CPB2: variants seen among roughly 807,000 people sequenced by gnomAD.
The protein encoded by CPB2 is carboxypeptidase B2.
A neutral mutation model predicts 57.0 loss-of-function variants in CPB2; 54 were observed. The ratio of observed to expected loss-of-function variants is 0.95; its 90% CI spans 0.76 to 1.19. CPB2 has a LOEUF of 1.19. Among genes scored for constraint, CPB2 ranks in the 50% most tolerant of loss-of-function variants. The pLI is 0.00. For synonymous variants in CPB2, 189 were observed against 178.1 expected, an observed-to-expected ratio of 1.06 and a Z score of -0.49; for missense variants, 426 against 512.0, an observed-to-expected ratio of 0.83 and a Z score of 1.62.
At chr13:46,093,119 G>A (rs2045317248) in intron 1 of CPB2, among the ~76,000 whole-genome samples, 3 of 152,074 alleles carry the variant, frequency 2.0e-5, no homozygotes, top group Middle Eastern at 6.8e-3. Context: ...CACCATGTTG[G>A]TCAGGCTGGT....
intron 5 of CPB2, 113 bp downstream of exon 5, chr13:46,078,687 A>G (rs2045060245): frequency 1.4e-6 from 1 of 729,004 alleles, no homozygotes; most frequent in Non-Finnish European, 2.4e-6. Context: ...GAACACTTGT[A>G]ATGCAAATAT....
At chr13:46,078,747 G>T in intron 5 of CPB2, 53 bp downstream of exon 5, 2 of 1,161,648 alleles carry the variant, frequency 1.7e-6, no homozygotes, top group African/African-American at 1.5e-5. Flanking sequence ...CACGACTGGA[G>T]AATTAATCCC....
intron 6 of CPB2, among the ~76,000 whole-genome samples, chr13:46,068,288 T>A (rs2044885514): frequency 6.6e-6 from 1 of 152,216 alleles, no homozygotes; most frequent in South Asian, 2.1e-4. Context: ...TCTTTTTCAT[T>A]ATTGACAAAA....
At chr13:46,062,208 C>G (rs1038480934) in intron 8 of CPB2, among the ~76,000 whole-genome samples, 1 of 151,762 alleles carries the variant, frequency 6.6e-6, no homozygotes, top group African/African-American at 2.4e-5. Flanking sequence ...CTGACTTCAC[C>G]AAGAAAAATA....
chr13:46,058,455 G>A (rs550023382), intron 8 of CPB2, 74 bp from the exon 9 acceptor site: 109 of 1,271,066 alleles, frequency 8.6e-5, no homozygotes, highest in Middle Eastern at 2.0e-4. Context: ...CCCAGACAAC[G>A]TATTCTCCTA....
chr13:46,076,866 G>A (rs576657857), intron 5 of CPB2, among the ~76,000 whole-genome samples: 9 of 152,060 alleles, frequency 5.9e-5, no homozygotes, highest in African/African-American at 2.2e-4. Context: ...AATGGTATTG[G>A]GAAAAATTTT....
At chr13:46,090,164 T>G (rs1452490231) in intron 1 of CPB2, among the ~76,000 whole-genome samples, 1 of 152,124 alleles carries the variant, frequency 6.6e-6, no homozygotes, top group East Asian at 1.9e-4. Context: ...AATTCTTTTT[T>G]TTTTACAAGC....
At chr13:46,097,760 A>G (rs1256186561) in intron 1 of CPB2, among the ~76,000 whole-genome samples, 3 of 152,224 alleles carry the variant, frequency 2.0e-5, no homozygotes, top group Non-Finnish European at 4.4e-5. Context: ...CCTACTAGGT[A>G]GTATACATGG....
Position 46,053,702 on chromosome 13 carries a change from A to T in CPB2, c.1184T>A (p.Leu395Ter). ...GGGTTTGATGTAACGCTCCGGCAGC[A>T]AGAATCCGTATGTGCCCGTATCTCG... ...ELRDTGTYGF[L>*]LPERYIKPTC... Residue 395 changes from leucine to a stop codon, truncating the protein, a stop_gained, in exon 11 of 11, where the codon TTG becomes TAG. Coordinates refer to ENST00000181383, the MANE Select transcript of CPB2 (RefSeq NM_001872.5). LOFTEE classifies it high-confidence loss of function. The T allele has an allele frequency of 6.2e-7, 1 of 1,614,192 alleles. No individual in the cohort carries two copies. The highest frequency in any genetic ancestry group is 8.5e-7 in the Non-Finnish European group (1 of 1,180,024).
intron 8 of CPB2, among the ~76,000 whole-genome samples, chr13:46,064,003 T>C (rs1367488296): frequency 1.3e-5 from 2 of 152,038 alleles, no homozygotes; most frequent in Non-Finnish European, 1.5e-5. Context: ...GGCCCACTCC[T>C]GTGAGCCACT....
At chr13:46,072,577 T>C (rs1318394360) in intron 6 of CPB2, among the ~76,000 whole-genome samples, 1 of 152,150 alleles carries the variant, frequency 6.6e-6, no homozygotes, top group Non-Finnish European at 1.5e-5. Flanking sequence ...ATAGGCAATC[T>C]ATAAATATTT....
chr13:46,095,317 A>C (rs1292085124), intron 1 of CPB2, among the ~76,000 whole-genome samples: 1 of 67,016 alleles, frequency 1.5e-5, no homozygotes, highest in Non-Finnish European at 3.3e-5. Context: ...CAAGATATCA[A>C]AATTAAAAAA....
intron 7 of CPB2, among the ~76,000 whole-genome samples, chr13:46,065,255 G>C (rs1219509018): frequency 6.6e-6 from 1 of 152,176 alleles, no homozygotes; most frequent in East Asian, 1.9e-4. Context: ...CGATTGTGCT[G>C]ATTTGACTCT....
At chr13:46,069,729 T>C (rs941876215) in intron 6 of CPB2, among the ~76,000 whole-genome samples, 1 of 152,232 alleles carries the variant, frequency 6.6e-6, no homozygotes, top group Non-Finnish European at 1.5e-5. Context: ...CTGCATTTTG[T>C]TTTTCTGCTC....
At chr13:46,062,126 G>C (rs775295775) in intron 8 of CPB2, among the ~76,000 whole-genome samples, 1 of 151,314 alleles carries the variant, frequency 6.6e-6, no homozygotes, top group Admixed American at 6.6e-5. Flanking sequence ...ATGCCCAAGA[G>C]GGGACTGAGA....
chr13:46,058,412 A>T, intron 8 of CPB2, 31 bp from the exon 9 acceptor site: 1 of 1,588,000 alleles, frequency 6.3e-7, no homozygotes, highest in Non-Finnish European at 8.6e-7. Flanking sequence ...TGAAATTATG[A>T]GGGGATGCAC....
At chr13:46,077,315 A>G (rs1455286403) in intron 5 of CPB2, among the ~76,000 whole-genome samples, 1 of 152,196 alleles carries the variant, frequency 6.6e-6, no homozygotes, top group Non-Finnish European at 1.5e-5. Context: ...CAACAGGTAT[A>G]TGAAAAAATC....
chr13:46,074,052 G>T, intron 5 of CPB2, 75 bp from the exon 6 acceptor site: 1 of 747,214 alleles, frequency 1.3e-6, no homozygotes, highest in Non-Finnish European at 2.2e-6. Context: ...TTTATATAGT[G>T]CTTATATTTA....
chr13:46,060,168 A>G (rs2044751357), intron 8 of CPB2, among the ~76,000 whole-genome samples: 1 of 152,194 alleles, frequency 6.6e-6, no homozygotes, highest in Non-Finnish European at 1.5e-5. Flanking sequence ...CACTTTAAGA[A>G]AAATAAAAAG....
Sources: allele counts gnomAD v4.1 joint callset (sites outside exome capture counted in the v4.1 genomes callset), GRCh38; gene constraint gnomAD v4.1.1; transcripts MANE v1.5; gene names NCBI Gene and HGNC (gene_info 2026-07-23, HGNC 2026-07-21).